Variants in DSTYK observed in about 807,000 individuals in gnomAD.
DSTYK encodes the protein dual serine/threonine and tyrosine protein kinase.
Under a neutral mutation model 98.7 loss-of-function variants are expected in DSTYK, and 34 were observed. The ratio of observed to expected loss-of-function variants is 0.34; its 90% confidence interval spans 0.26 to 0.46. The LOEUF (loss-of-function observed/expected upper bound fraction) is 0.46. DSTYK is among the 20% of genes least tolerant of loss of function. DSTYK has a pLI of 1.00. For synonymous variants in DSTYK, 462 were observed against 457.3 expected, an observed-to-expected ratio of 1.01 and a Z score of -0.13; for missense variants, 962 against 1,181.7, an observed-to-expected ratio of 0.81 and a Z score of 2.73.
intron 5 of DSTYK, among the ~76,000 whole-genome samples, 164 bp from the exon 6 acceptor site, chr1:205,162,376 A>C (rs1323340967): frequency 6.6e-6 from 1 of 152,198 alleles, no homozygotes; most frequent in Admixed American, 6.5e-5. Flanking sequence ...CTACCACAAA[A>C]TCAGGTCCTA....
At chr1:205,190,973 A>G (rs906928789) in intron 1 of DSTYK, among the ~76,000 whole-genome samples, 2 of 152,222 alleles carry the variant, frequency 1.3e-5, no homozygotes, top group African/African-American at 4.8e-5. Context: ...CCTCTGAAAC[A>G]AAGTGTCAAC....
At chr1:205,193,820 G>A (rs1360555647) in intron 1 of DSTYK, among the ~76,000 whole-genome samples, 1 of 150,064 alleles carries the variant, frequency 6.7e-6, no homozygotes, top group Non-Finnish European at 1.5e-5. Flanking sequence ...GCAGTGAGCC[G>A]AGATAGTGCC....
chr1:205,148,111 G>T, intron 12 of DSTYK, 94 bp downstream of exon 12: 1 of 1,504,896 alleles, frequency 6.6e-7, no homozygotes, highest in Non-Finnish European at 9.1e-7. Flanking sequence ...CTATGGAGTG[G>T]CCAGATGGGA....
intron 10 of DSTYK, among the ~76,000 whole-genome samples, chr1:205,151,421 T>A (rs891288711): frequency 6.6e-6 from 1 of 152,220 alleles, no homozygotes; most frequent in African/African-American, 2.4e-5. Flanking sequence ...TAATAAACAC[T>A]TAGCTTACAA....
In DSTYK at chr1:205,148,431, C is replaced by T. The variant is rs555903518; in HGVS notation, c.2468-92G>A. On this transcript the variant is annotated intron_variant, in intron 11 of 12. Coordinates refer to ENST00000367162, the MANE Select transcript of DSTYK (RefSeq NM_015375.3). Reference sequence around the variant, plus strand: ...TGCCTCAGTAGAGGGTTGGCTTTTTCCAAAGCTTTTAACAACTATTATCTC... The same window carrying T: ...TGCCTCAGTAGAGGGTTGGCTTTTTTCAAAGCTTTTAACAACTATTATCTC... 23 of 1,517,430 alleles carry T rather than the reference C, an allele frequency of 1.5e-5. No individual in the cohort carries two copies. In the African/African-American group the frequency reaches 2.1e-4, roughly 14 times the overall value. 94.0% of individuals were successfully genotyped at this position (1,517,430 alleles called of 1,614,324 possible). A position where few individuals can be genotyped will look rare whatever the true frequency, so the allele number is the denominator to read the frequency against.
chr1:205,177,186 AAC>A (rs1327698709), intron 2 of DSTYK, among the ~76,000 whole-genome samples: 7 of 152,202 alleles, frequency 4.6e-5, no homozygotes, highest in Non-Finnish European at 1.0e-4. Flanking sequence ...TAGCCTGAAC[AAC>A]AGAGTGAGAC....
intron 2 of DSTYK, among the ~76,000 whole-genome samples, chr1:205,184,497 G>A (rs758865577): frequency 2.6e-5 from 4 of 151,916 alleles, no homozygotes; most frequent in Non-Finnish European, 5.9e-5. Flanking sequence ...GCTTGAACCC[G>A]GGAGGCAGAG....
intron 10 of DSTYK, among the ~76,000 whole-genome samples, chr1:205,151,699 T>G (rs1657411681): frequency 6.6e-6 from 1 of 151,830 alleles, no homozygotes; most frequent in African/African-American, 2.4e-5. Flanking sequence ...CTTTCTTTTT[T>G]TTTTTTTTTA....
chr1:205,192,953 C>G (rs759320696), intron 1 of DSTYK, among the ~76,000 whole-genome samples: 1 of 152,190 alleles, frequency 6.6e-6, no homozygotes, highest in Non-Finnish European at 1.5e-5. Context: ...ATGACCCCTA[C>G]GCCACATTGT....
chr1:205,187,701 T>C lies in DSTYK; in HGVS notation c.371A>G (p.Lys124Arg). 3 of 1,614,190 alleles carry C rather than the reference T, an allele frequency of 1.9e-6. No individual in the cohort carries two copies. Among genetic ancestry groups the C allele is most frequent in the Non-Finnish European group, 2.5e-6 (3 of 1,180,044 alleles). The change falls in exon 2 of 13, where the codon AAG (lysine) becomes AGG (arginine). Residue 124 changes from lysine to arginine, a missense_variant. This residue lies in a region of DSTYK where 660 missense variants were observed against 855.0 expected (regional missense o/e 0.77). Transcript: ENST00000367162. ...CAACAGCAGATTCAACAGCTGGCAC[T>C]TGACGTTACAATCCTGGCCGAGGAT... ...ILILGQDCNV[K>R]CQLLNLLLGV...
chr1:205,190,310 C>T (rs1179358942), intron 1 of DSTYK, among the ~76,000 whole-genome samples: 3 of 152,034 alleles, frequency 2.0e-5, no homozygotes, highest in Non-Finnish European at 4.4e-5. Flanking sequence ...TCCTAAAAAC[C>T]TCCTTCATGT....
intron 11 of DSTYK, among the ~76,000 whole-genome samples, chr1:205,148,897 GA>G (rs1407241718): frequency 6.7e-6 from 1 of 150,342 alleles, no homozygotes; most frequent in Non-Finnish European, 1.5e-5. Flanking sequence ...AGTGGAATTA[GA>G]AAGTGTTTTT....
chr1:205,196,464 G>A (rs1395141470), intron 1 of DSTYK, among the ~76,000 whole-genome samples: 1 of 152,132 alleles, frequency 6.6e-6, no homozygotes, highest in East Asian at 1.9e-4. Context: ...GGCTGAGGCA[G>A]GATTTCTTGA....
At chr1:205,154,056 C>CGTGTGTGTGTGTGTGTGTGT (rs34909035) in intron 10 of DSTYK, among the ~76,000 whole-genome samples, 6 of 143,454 alleles carry the variant, frequency 4.2e-5, no homozygotes, top group African/African-American at 1.6e-4. Flanking sequence ...AGTATGCACA[C>CGTGTGTGTGTGTGTGTGTGT]GTGTGTGTGT....
Position 205,190,763 on chromosome 1 carries a change from G to T in DSTYK, c.266-2957C>A, listed in dbSNP as rs76463438. Among the ~76,000 whole-genome samples the T allele has an allele frequency of 2.8e-3, 429 of 151,912 alleles. 1 individual carries two copies. Among genetic ancestry groups the T allele is most frequent in the African/African-American group, 9.8e-3 (404 of 41,420 alleles). On this transcript the variant is annotated intron_variant, in intron 1 of 12. Transcript: ENST00000367162. ...ACTTCCTAGCTTTCTTCTATTCCCT[G>T]TCCTCCCCAGATTTTCACATAAGTG...
intron 1 of DSTYK, among the ~76,000 whole-genome samples, chr1:205,203,357 C>G (rs868777134): frequency 2.7e-5 from 4 of 150,056 alleles, no homozygotes; most frequent in South Asian, 4.3e-4. Flanking sequence ...TCGCGCGTGC[C>G]TGCAGTCCCA....
chr1:205,198,871 C>T (rs184936343), intron 1 of DSTYK, among the ~76,000 whole-genome samples: 4 of 147,194 alleles, frequency 2.7e-5, no homozygotes, highest in Admixed American at 6.8e-5. Flanking sequence ...CTCGCTCTGT[C>T]GCCAGGCTGG....
rs1431367181 is a variant in DSTYK at position 205,169,381 on chromosome 1, C to A, written c.1106G>T (p.Cys369Phe). The change falls in exon 3 of 13, where the codon TGC becomes TTC. Residue 369 changes from cysteine (C) to phenylalanine (F), a missense_variant. By Grantham distance (205) the Cys-to-Phe change is radical. This residue lies in a region of DSTYK where 660 missense variants were observed against 855.0 expected (regional missense o/e 0.77). Transcript: ENST00000367162. The surrounding 1 kb of genome is among the most constrained non-coding windows in gnomAD (Gnocchi z 4.0). ...TGCCTGGTTAATAAAGATGTCAAGG[C>A]AGTGGCAGTGCACCAGGTTCAGGGC... is the stretch of plus-strand genomic sequence containing the variant. ...AKALNLVHCH[C>F]LDIFINQAFD... 1 of 1,614,160 alleles carries A rather than the reference C, an allele frequency of 6.2e-7. No individual in the cohort carries two copies. Among genetic ancestry groups the A allele is most frequent in the South Asian group, 1.1e-5 (1 of 91,084 alleles).
chr1:205,151,367 T>G (rs1400661700), intron 10 of DSTYK, among the ~76,000 whole-genome samples: 1 of 152,246 alleles, frequency 6.6e-6, no homozygotes. Context: ...TAGTTTTACT[T>G]TATAAACTTT....
Sources: gnomAD v4.1 joint callset for allele counts (sites outside exome capture counted in the v4.1 genomes callset) on GRCh38, gnomAD v4.1.1 for gene constraint, gnomAD v4.1.1 regional missense constraint, Gnocchi (gnomAD v3.1) non-coding constraint, MANE v1.5 for transcripts, NCBI Gene and HGNC (gene_info 2026-07-23, HGNC 2026-07-21) for gene names.